The following CSMD2 variants were observed in gnomAD, a reference collection of about 807,000 sequenced individuals.
CSMD2 encodes the protein CUB and Sushi multiple domains 2.
In CSMD2, 130 loss-of-function variants were observed where a neutral mutation model predicts 398.5. That is an observed-to-expected ratio of 0.33 (90% CI 0.28 to 0.38). The LOEUF (loss-of-function observed/expected upper bound fraction) is 0.38. Among genes scored for constraint, CSMD2 ranks in the 10% least tolerant of loss-of-function variants. The pLI, the probability that CSMD2 is intolerant of heterozygous loss-of-function variation, is 1.00. For missense variants in CSMD2, 3,829 were observed against 4,764.9 expected (o/e 0.80, Z 5.78); for synonymous variants, 1,828 against 1,908.5 (o/e 0.96, Z 1.10).
Position 33,948,521 on chromosome 1 carries a change from T to C in CSMD2, c.518-12567A>G, listed in dbSNP as rs190805501. ...TAAAAACAGGCAAATTCAGGATGCGTCTGAACACAGCTCTTACATTCACAC... is the reference window on the plus strand; with the variant it reads ...TAAAAACAGGCAAATTCAGGATGCGCCTGAACACAGCTCTTACATTCACAC... On this transcript the variant is annotated intron_variant, in intron 3 of 70. Transcript: ENST00000373381. 1.3e-3 allele frequency among the ~76,000 whole-genome samples: 195 copies of C among 152,324 alleles called. 2 individuals carry two copies. The highest frequency in any genetic ancestry group is 3.1e-4 in the Non-Finnish European group (21 of 68,042).
intron 13 of CSMD2, among the ~76,000 whole-genome samples, chr1:33,750,549 CAG>C (rs1356804606): frequency 6.6e-6 from 1 of 152,146 alleles, no homozygotes; most frequent in Non-Finnish European, 1.5e-5. Flanking sequence ...TACTTCCTCC[CAG>C]AGGAGGAAGG....
At chr1:33,655,320 G>T (rs1031099400) in intron 27 of CSMD2, among the ~76,000 whole-genome samples, 1 of 152,208 alleles carries the variant, frequency 6.6e-6, no homozygotes, top group Non-Finnish European at 1.5e-5. Flanking sequence ...TCCTCATCTC[G>T]AAAGTAAAAG....
chr1:33,718,762 A>G (rs2149183169), intron 19 of CSMD2, among the ~76,000 whole-genome samples: 1 of 152,330 alleles, frequency 6.6e-6, no homozygotes, highest in East Asian at 1.9e-4. Context: ...TTTTTTATAA[A>G]TGATGGTTGG....
At chr1:33,855,018 T>C (rs890792440) in intron 5 of CSMD2, among the ~76,000 whole-genome samples, 1 of 152,162 alleles carries the variant, frequency 6.6e-6, no homozygotes, top group Non-Finnish European at 1.5e-5. Flanking sequence ...CCTGCCTCTA[T>C]AGAGAGGATC....
chr1:34,027,117 G>T (rs1421519870), intron 3 of CSMD2, among the ~76,000 whole-genome samples: 2 of 152,164 alleles, frequency 1.3e-5, no homozygotes, highest in African/African-American at 4.8e-5. Flanking sequence ...GAAAACTGCT[G>T]TACCTCTAAA....
intron 1 of CSMD2, among the ~76,000 whole-genome samples, chr1:34,128,905 T>C (rs1265469254): frequency 1.3e-5 from 2 of 151,838 alleles, no homozygotes; most frequent in East Asian, 3.9e-4. Flanking sequence ...AGCAAGATGC[T>C]CACAACTGCC....
chr1:33,722,504 AC>A (rs1293726537), intron 19 of CSMD2, among the ~76,000 whole-genome samples: 1 of 152,228 alleles, frequency 6.6e-6, no homozygotes. Flanking sequence ...TTTTAAAATT[AC>A]ACTTGTTTCA....
intron 5 of CSMD2, among the ~76,000 whole-genome samples, chr1:33,907,170 G>A (rs1643145278): frequency 6.9e-6 from 1 of 145,016 alleles, no homozygotes. Flanking sequence ...CCAGGCTGGA[G>A]TGCAGTGGCG....
intron 1 of CSMD2, among the ~76,000 whole-genome samples, chr1:34,107,373 A>C (rs557902306): frequency 2.0e-5 from 3 of 152,244 alleles, no homozygotes; most frequent in South Asian, 4.1e-4. Flanking sequence ...ATAATAATAT[A>C]TTATTAAACA....
At chr1:33,656,187 GTAT>G (rs1047458045) in intron 27 of CSMD2, among the ~76,000 whole-genome samples, 4 of 152,136 alleles carry the variant, frequency 2.6e-5, no homozygotes, top group Non-Finnish European at 4.4e-5. Context: ...AAGGAAATTA[GTAT>G]TTCTTGAGAT....
At chr1:34,009,000 A>G (rs1325592319) in intron 3 of CSMD2, among the ~76,000 whole-genome samples, 1 of 151,558 alleles carries the variant, frequency 6.6e-6, no homozygotes, top group Non-Finnish European at 1.5e-5. Context: ...CACTTTGCCT[A>G]CCCCATCCAC....
At chr1:33,534,257 G>A (rs1655550272) in intron 62 of CSMD2, among the ~76,000 whole-genome samples, 1 of 152,176 alleles carries the variant, frequency 6.6e-6, no homozygotes, top group African/African-American at 2.4e-5. Context: ...AGGATACAGT[G>A]GGGATGACCA....
intron 1 of CSMD2, among the ~76,000 whole-genome samples, chr1:34,108,208 A>G (rs191323027): frequency 1.1e-3 from 165 of 152,204 alleles, no homozygotes; most frequent in African/African-American, 3.7e-3. Flanking sequence ...CTGTGCCCTT[A>G]TGTGAGACAT....
At chr1:33,946,161 C>T (rs1473704202) in intron 3 of CSMD2, among the ~76,000 whole-genome samples, 1 of 152,236 alleles carries the variant, frequency 6.6e-6, no homozygotes, top group East Asian at 1.9e-4. Context: ...CTTAACCTTG[C>T]TTAATCCAGA....
At chr1:33,761,979 C>T (rs1210006315) in intron 13 of CSMD2, among the ~76,000 whole-genome samples, 1 of 152,094 alleles carries the variant, frequency 6.6e-6, no homozygotes, top group Non-Finnish European at 1.5e-5. Context: ...CCCTGAGTCA[C>T]CCAAAAGATT....
At chr1:33,813,598 T>C (rs1295654543) in intron 9 of CSMD2, among the ~76,000 whole-genome samples, 1 of 149,514 alleles carries the variant, frequency 6.7e-6, no homozygotes, top group Non-Finnish European at 1.5e-5. Flanking sequence ...GCTACTCCCA[T>C]TTTTCCTCTG....
At position 33,731,453 on chromosome 1, in the gene CSMD2, G is replaced by A. The variant is rs376908369; in HGVS notation, c.2369-4768C>T. On this transcript the variant is annotated intron_variant, in intron 15 of 70. Transcript: ENST00000373381. ...ACAAGATATTCTCGCTAAAAAAATGGAAGTTCAATCTGATTAAGTTTCTAG... is the reference window on the plus strand; with the variant it reads ...ACAAGATATTCTCGCTAAAAAAATGAAAGTTCAATCTGATTAAGTTTCTAG... Among the ~76,000 whole-genome samples the A allele has an allele frequency of 3.5e-4, 53 of 152,150 alleles. No individual in the cohort carries two copies. The Middle Eastern group carries it at 0.01, about 29-fold the overall frequency.
rs1256262590 is a variant in CSMD2 at position 33,633,577 on chromosome 1, G to C, written c.5087-42C>G. 3 of 1,460,572 alleles carry C rather than the reference G, an allele frequency of 2.1e-6. No individual in the cohort carries two copies. In the Admixed American group the frequency reaches 5.9e-5, roughly 29 times the overall value. 90.5% of individuals were successfully genotyped at this position (1,460,572 alleles called of 1,614,324 possible). ...GTGTGGGGACTGGGCAGGCACGCTG[G>C]GGGCAGGAGAGGGGATCTAGGGGTC... On this transcript the variant is annotated intron_variant, in intron 31 of 70. Coordinates refer to ENST00000373381, the MANE Select transcript of CSMD2 (RefSeq NM_001281956.2). The surrounding 1 kb of genome is among the most constrained non-coding windows in gnomAD (Gnocchi z 5.0).
At chr1:34,052,168 TACAC>T (rs35006153) in intron 2 of CSMD2, among the ~76,000 whole-genome samples, 91 of 147,022 alleles carry the variant, frequency 6.2e-4, no homozygotes, top group Admixed American at 1.8e-3. Context: ...AGCATATGTA[TACAC>T]ACACACACAC....
Sources: gnomAD v4.1 joint callset for allele counts (sites outside exome capture counted in the v4.1 genomes callset) on GRCh38, gnomAD v4.1.1 for gene constraint, Gnocchi (gnomAD v3.1) non-coding constraint, MANE v1.5 for transcripts, NCBI Gene and HGNC (gene_info 2026-07-23, HGNC 2026-07-21) for gene names.